KDM6A: variants seen among roughly 807,000 people sequenced by gnomAD.
The protein encoded by KDM6A is lysine demethylase 6A.
In KDM6A, 11 loss-of-function variants were observed where a neutral mutation model predicts 117.6. The ratio of observed to expected loss-of-function variants is 0.09; its 90% CI spans 0.06 to 0.15. KDM6A has a LOEUF of 0.15. Among genes scored for constraint, KDM6A ranks in the 10% least tolerant of loss-of-function variants. KDM6A has a pLI of 1.00. For synonymous variants in KDM6A, 384 were observed against 396.1 expected (o/e 0.97, Z 0.36); for missense variants, 799 against 1,077.3 (o/e 0.74, Z 3.62).
intron 21 of KDM6A, 21 bp downstream of exon 21, chrX:45,079,372 G>C (rs2148122837): frequency 9.2e-7 from 1 of 1,087,552 alleles, no homozygotes; most frequent in Non-Finnish European, 1.3e-6. Context: ...GTATCCTAAA[G>C]ATTATTTTAG....
At chrX:45,109,049 C>G (rs755595868) in intron 28 of KDM6A, among the ~76,000 whole-genome samples, 6,796 of 101,908 alleles carry the variant, frequency 0.067, 282 homozygotes, top group Non-Finnish European at 0.1. Context: ...CAGCGCACCA[C>G]CATGGCACAT....
intron 3 of KDM6A, among the ~76,000 whole-genome samples, chrX:44,964,631 T>C (rs2038914504): frequency 9.0e-6 from 1 of 111,464 alleles, no homozygotes. Context: ...AGTCTTTTTT[T>C]CTGAACAATA....
At chrX:44,990,326 G>C (rs1481556655) in intron 4 of KDM6A, among the ~76,000 whole-genome samples, 1 of 111,236 alleles carries the variant, frequency 9.0e-6, no homozygotes, top group East Asian at 2.8e-4. Flanking sequence ...ATCACCTGAA[G>C]TCAGGAGTTC....
intron 2 of KDM6A, among the ~76,000 whole-genome samples, chrX:44,948,896 A>T (rs1415222801): frequency 8.9e-6 from 1 of 111,984 alleles, no homozygotes. Flanking sequence ...GCTTATCAGA[A>T]GCTTAAATTG....
chrX:45,086,750 T>TA (rs1029158182), intron 25 of KDM6A, among the ~76,000 whole-genome samples: 1 of 112,341 alleles, frequency 8.9e-6, no homozygotes. Flanking sequence ...GATAGAACCT[T>TA]ACTCTCTTCT....
intron 18 of KDM6A, among the ~76,000 whole-genome samples, chrX:45,075,620 T>C (rs767894497): frequency 1.8e-4 from 20 of 111,677 alleles, no homozygotes; most frequent in Non-Finnish European, 2.8e-4. Flanking sequence ...CTATTTAGTA[T>C]AACATCTTAA....
chrX:44,906,730 C>T (rs1057186798), intron 2 of KDM6A, among the ~76,000 whole-genome samples: 3 of 110,940 alleles, frequency 2.7e-5, no homozygotes, highest in African/African-American at 9.9e-5. Context: ...CGCCATGTTG[C>T]TCAGGCTGGT....
chrX:45,073,121 T>C (rs2044941712), intron 18 of KDM6A, among the ~76,000 whole-genome samples: 1 of 110,339 alleles, frequency 9.1e-6, no homozygotes, highest in South Asian at 3.8e-4. Context: ...GAACATGCAG[T>C]ATTTGGTTTT....
intron 27 of KDM6A, among the ~76,000 whole-genome samples, chrX:45,102,838 G>A (rs913802238): frequency 1.8e-5 from 2 of 111,282 alleles, no homozygotes; most frequent in African/African-American, 6.5e-5. Flanking sequence ...TGTGGTTGGT[G>A]TAAATAAAAC....
In KDM6A at chrX:45,080,129, G is replaced by GA. The variant is rs775555138; in HGVS notation, c.3300+780dup. Among the ~76,000 whole-genome samples, 494 of 111,122 alleles carry GA rather than the reference G, an allele frequency of 4.4e-3. 1 individual carries two copies. The highest frequency in any genetic ancestry group is 0.015 in the African/African-American group (471 of 30,579). On this transcript the variant is annotated intron_variant, in intron 21 of 29. Coordinates refer to ENST00000611820, the MANE Select transcript of KDM6A (RefSeq NM_001291415.2). ...GAAGGGCACATTCACTCCTGGTTGA[G>GA]AACTACTGATTTAGAGGATAAACTA... is the stretch of plus-strand genomic sequence containing the variant.
intron 2 of KDM6A, among the ~76,000 whole-genome samples, chrX:44,895,043 A>C (rs1397541551): frequency 9.1e-6 from 1 of 110,189 alleles, no homozygotes; most frequent in Non-Finnish European, 1.9e-5. Context: ...CTGGGATTAC[A>C]GGTGTGAGCC....
intron 2 of KDM6A, among the ~76,000 whole-genome samples, chrX:44,913,993 C>T (rs2035390333): frequency 8.9e-6 from 1 of 111,870 alleles, no homozygotes; most frequent in Admixed American, 9.5e-5. Flanking sequence ...GATCCTATTT[C>T]AGCCAATGGA....
chrX:44,910,110 G>A (rs2034992643), intron 2 of KDM6A, among the ~76,000 whole-genome samples: 1 of 112,389 alleles, frequency 8.9e-6, no homozygotes, highest in Non-Finnish European at 1.9e-5. Context: ...AGCTATAATG[G>A]AAGCTTTCAG....
chrX:45,040,343 G>A (rs1346228631), intron 8 of KDM6A, among the ~76,000 whole-genome samples: 44 of 94,566 alleles, frequency 4.7e-4, no homozygotes, highest in Non-Finnish European at 8.4e-4. Context: ...CAGTAGGGGC[G>A]GCCGGGCAGA....
chrX:45,035,796 T>C (rs1460582307), intron 7 of KDM6A, among the ~76,000 whole-genome samples: 1 of 108,667 alleles, frequency 9.2e-6, no homozygotes, highest in Non-Finnish European at 1.9e-5. Flanking sequence ...GCCTACCGGG[T>C]TGACGCCATT....
At chrX:44,953,625 C>T (rs1487689830) in intron 2 of KDM6A, among the ~76,000 whole-genome samples, 2 of 111,117 alleles carry the variant, frequency 1.8e-5, no homozygotes, top group East Asian at 5.6e-4. Context: ...TTTGTTGCTC[C>T]TGGGAAATGG....
chrX:44,997,135 C>T (rs191097527), intron 4 of KDM6A, among the ~76,000 whole-genome samples: 28 of 112,154 alleles, frequency 2.5e-4, no homozygotes, highest in East Asian at 1.1e-3. Flanking sequence ...TGTCTGTAGG[C>T]GGCTTGTGTT....
At chrX:45,100,482 A>G (rs181013589) in intron 27 of KDM6A, among the ~76,000 whole-genome samples, 123 of 112,295 alleles carry the variant, frequency 1.1e-3, no homozygotes, top group African/African-American at 3.6e-3. Context: ...TAAGTAATTT[A>G]GTAAATTTTA....
At chrX:45,018,637 T>C (rs942711273) in intron 5 of KDM6A, among the ~76,000 whole-genome samples, 1 of 112,086 alleles carries the variant, frequency 8.9e-6, no homozygotes, top group Non-Finnish European at 1.9e-5. Context: ...GGGGCTGTTA[T>C]TGTACTGTGT....
Sources: gnomAD v4.1 joint callset for allele counts (sites outside exome capture counted in the v4.1 genomes callset) on GRCh38, gnomAD v4.1.1 for gene constraint, MANE v1.5 for transcripts, NCBI Gene and HGNC (gene_info 2026-07-23, HGNC 2026-07-21) for gene names.